ZZZ3: variants seen among roughly 807,000 people sequenced by gnomAD.
The protein encoded by ZZZ3 is zinc finger ZZ-type containing 3.
A neutral mutation model predicts 95.2 loss-of-function variants in ZZZ3; 22 were observed. The observed-to-expected ratio is 0.23, with a 90% CI of 0.17 to 0.33. ZZZ3 has a LOEUF of 0.33. Among genes scored for constraint, ZZZ3 ranks in the 10% least tolerant of loss-of-function variants. The pLI is 1.00. For missense variants in ZZZ3, 885 were observed against 1,066.5 expected, an observed-to-expected ratio of 0.83 and a Z score of 2.37; for synonymous variants, 335 against 358.9, an observed-to-expected ratio of 0.93 and a Z score of 0.75.
chr1:77,592,388 C>T (rs1663794767), intron 5 of ZZZ3, among the ~76,000 whole-genome samples: 1 of 152,140 alleles, frequency 6.6e-6, no homozygotes. Context: ...CTGCAACCTC[C>T]GCCTCCCGGG....
At chr1:77,653,275 G>C (rs1669970859) in intron 1 of ZZZ3, among the ~76,000 whole-genome samples, 1 of 152,186 alleles carries the variant, frequency 6.6e-6, no homozygotes, top group Non-Finnish European at 1.5e-5. Flanking sequence ...AGAGACTGTG[G>C]GAGGGAGGAA....
chr1:77,643,758 C>T (rs1051682083), intron 1 of ZZZ3, among the ~76,000 whole-genome samples: 1 of 152,108 alleles, frequency 6.6e-6, no homozygotes, highest in African/African-American at 2.4e-5. Flanking sequence ...AAGATACAGC[C>T]CTAGTGATAT....
At chr1:77,584,478 A>G (rs751798691) in intron 6 of ZZZ3, 39 bp downstream of exon 6, 11 of 1,566,510 alleles carry the variant, frequency 7.0e-6, no homozygotes, top group Non-Finnish European at 9.5e-6. Flanking sequence ...CTATTCCCAA[A>G]TAGATCTTAG....
intron 5 of ZZZ3, among the ~76,000 whole-genome samples, chr1:77,627,263 G>A (rs1029145843): frequency 6.6e-6 from 1 of 152,140 alleles, no homozygotes; most frequent in East Asian, 1.9e-4. Context: ...GTATAACGGT[G>A]CCTATCCTGT....
Position 77,639,526 on chromosome 1 carries a change from A to G in ZZZ3, c.-129T>C. 1.4e-6 allele frequency: 2 copies of G among 1,389,836 alleles called. No individual in the cohort carries two copies. Among genetic ancestry groups the G allele is most frequent in the Non-Finnish European group, 1.9e-6 (2 of 1,046,086 alleles). The allele number at this position is 1,389,836 out of a possible 1,614,324, so 86.1% of individuals were successfully genotyped here. On this transcript the variant is annotated 5_prime_UTR_variant, in exon 4 of 15. Transcript: ENST00000370801. ...CCTGAAGGAGTTGGAGCTATGATCT[A>G]GAATGGAGCTTAAGCATCAGGGTTT...
chr1:77,675,140 T>G (rs2101074543), intron 1 of ZZZ3, among the ~76,000 whole-genome samples: 1 of 152,168 alleles, frequency 6.6e-6, no homozygotes, highest in Non-Finnish European at 1.5e-5. Context: ...ATTACAAAGT[T>G]CTTCAAGGGC....
At chr1:77,670,730 T>C (rs1172535643) in intron 1 of ZZZ3, among the ~76,000 whole-genome samples, 11 of 151,852 alleles carry the variant, frequency 7.2e-5, no homozygotes, top group African/African-American at 2.7e-4. Flanking sequence ...GTAGTAGTGT[T>C]TGTTCTGTTT....
intron 4 of ZZZ3, among the ~76,000 whole-genome samples, chr1:77,635,897 C>T (rs11162373): frequency 0.58 from 87,402 of 151,246 alleles, 27,449 homozygotes; most frequent in Non-Finnish European, 0.71. Context: ...CAGAGCGAGA[C>T]TCTGTCTCAA....
intron 1 of ZZZ3, among the ~76,000 whole-genome samples, chr1:77,658,198 A>C (rs1023768021): frequency 1.3e-5 from 2 of 151,598 alleles, no homozygotes; most frequent in South Asian, 2.1e-4. Context: ...AAAAAAAAAA[A>C]AAAACACAAC....
chr1:77,568,058 C>T (rs1311366611), intron 13 of ZZZ3, among the ~76,000 whole-genome samples: 1 of 152,052 alleles, frequency 6.6e-6, no homozygotes, highest in Non-Finnish European at 1.5e-5. Context: ...TCTTATCACC[C>T]TTTTAAAATT....
chr1:77,582,266 A>G, intron 6 of ZZZ3, 140 bp from the exon 7 acceptor site: 1 of 676,118 alleles, frequency 1.5e-6, no homozygotes, highest in Non-Finnish European at 2.3e-6. Context: ...AATCCAAGAG[A>G]CAATAAAGTT....
intron 5 of ZZZ3, among the ~76,000 whole-genome samples, chr1:77,609,373 C>T (rs1218765352): frequency 6.6e-6 from 1 of 152,062 alleles, no homozygotes; most frequent in Non-Finnish European, 1.5e-5. Flanking sequence ...AACACTGAAG[C>T]ACTCAGATAT....
chr1:77,571,707 T>C (rs965342054), intron 12 of ZZZ3, among the ~76,000 whole-genome samples: 2 of 152,208 alleles, frequency 1.3e-5, no homozygotes, highest in Non-Finnish European at 2.9e-5. Context: ...ATGCTTCCAC[T>C]TATTTGAGGT....
intron 1 of ZZZ3, among the ~76,000 whole-genome samples, chr1:77,667,074 C>T (rs750658934): frequency 1.2e-4 from 19 of 152,214 alleles, no homozygotes; most frequent in Non-Finnish European, 2.5e-4. Context: ...AAAGTCTTCT[C>T]TCACTCAGAA....
intron 12 of ZZZ3, among the ~76,000 whole-genome samples, 157 bp from the exon 13 acceptor site, chr1:77,568,623 T>C (rs1009448900): frequency 1.3e-5 from 2 of 150,544 alleles, no homozygotes; most frequent in African/African-American, 2.4e-5. Context: ...AGCAGTATTT[T>C]CCACTAATGC....
chr1:77,601,419 T>G (rs1349495384), intron 5 of ZZZ3, among the ~76,000 whole-genome samples: 1 of 152,054 alleles, frequency 6.6e-6, no homozygotes, highest in Non-Finnish European at 1.5e-5. Context: ...ATCAAGTTAT[T>G]CAAGAAATTG....
At chr1:77,652,580 AT>A (rs1447030526) in intron 1 of ZZZ3, among the ~76,000 whole-genome samples, 26 of 152,322 alleles carry the variant, frequency 1.7e-4, no homozygotes, top group African/African-American at 6.3e-4. Context: ...TGACCCAGAA[AT>A]TCCATTCTTA....
intron 5 of ZZZ3, among the ~76,000 whole-genome samples, chr1:77,596,289 T>C (rs769947458): frequency 1.6e-4 from 24 of 152,240 alleles, no homozygotes; most frequent in Non-Finnish European, 2.9e-5. Context: ...TGATTCTCAT[T>C]ATATGACAAT....
upstream of ZZZ3, among the ~76,000 whole-genome samples, chr1:77,682,970 G>A (rs894429433): frequency 6.6e-6 from 1 of 152,098 alleles, no homozygotes; most frequent in African/African-American, 2.4e-5. Flanking sequence ...CATTTTCGGC[G>A]TGCCCGTCAC....
Sources: allele counts gnomAD v4.1 joint callset (sites outside exome capture counted in the v4.1 genomes callset), GRCh38; gene constraint gnomAD v4.1.1; transcripts MANE v1.5; gene names NCBI Gene and HGNC (gene_info 2026-07-23, HGNC 2026-07-21).